The following USP16 variants were observed in gnomAD, a reference collection of about 807,000 sequenced individuals.
USP16 encodes ubiquitin carboxyl-terminal hydrolase 16.
A neutral mutation model predicts 95.9 loss-of-function variants in USP16; 77 were observed. The ratio of observed to expected loss-of-function variants is 0.80; its 90% CI spans 0.67 to 0.97. USP16 has a LOEUF of 0.97. Ranked by LOEUF, USP16 falls within the 50% of genes least tolerant of loss-of-function variation. USP16 has a pLI of 0.00. For missense variants in USP16, 943 were observed against 959.9 expected, an observed-to-expected ratio of 0.98 and a Z score of 0.23; for synonymous variants, 303 against 318.2, an observed-to-expected ratio of 0.95 and a Z score of 0.51.
intron 1 of USP16, 61 bp downstream of exon 1, chr21:29,024,838 C>A: frequency 8.1e-7 from 1 of 1,231,124 alleles, no homozygotes. Flanking sequence ...GCTGGGAGAG[C>A]TCCTGTTTTC....
At chr21:29,033,569 G>A (rs922422884) in intron 3 of USP16, among the ~76,000 whole-genome samples, 3 of 152,304 alleles carry the variant, frequency 2.0e-5, no homozygotes, top group African/African-American at 2.4e-5. Context: ...TTTAGGTCAT[G>A]TTCTTTTATG....
chr21:29,026,947 AGT>A (rs1278318410), intron 1 of USP16, among the ~76,000 whole-genome samples: 2 of 152,100 alleles, frequency 1.3e-5, no homozygotes, highest in Non-Finnish European at 2.9e-5. Context: ...AAGTTTAGGG[AGT>A]GTGGTCCAGG....
At position 29,030,591 on chromosome 21, in the gene USP16, A is replaced by G. The variant is rs2085063134; in HGVS notation, c.62-4A>G. On this transcript the variant is annotated splice_region_variant and splice_polypyrimidine_tract_variant and intron_variant, in intron 2 of 17. Transcript: ENST00000399976. The stretch of plus-strand genomic sequence containing the variant: ...TATTCCTTGTCTATTATTTGTTTTA[A>G]TAGAACCTGTGTGCAGACACATTAG... 1.3e-6 allele frequency: 2 copies of G among 1,568,864 alleles called. No homozygotes were observed. The highest frequency in any genetic ancestry group is 2.7e-5 in the African/African-American group (2 of 72,774).
chr21:29,044,715 G>A (rs2085297915), intron 13 of USP16, among the ~76,000 whole-genome samples: 1 of 152,070 alleles, frequency 6.6e-6, no homozygotes, highest in South Asian at 2.1e-4. Flanking sequence ...CCAAAGTGCT[G>A]GGATTACAGA....
At chr21:29,039,628 T>C in intron 9 of USP16, 60 bp downstream of exon 9, 1 of 1,514,022 alleles carries the variant, frequency 6.6e-7, no homozygotes, top group Admixed American at 1.8e-5. Flanking sequence ...TCTGTCTCAT[T>C]TGATATCTTA....
intron 3 of USP16, among the ~76,000 whole-genome samples, chr21:29,034,302 C>CTTT (rs575549987): frequency 7.3e-6 from 1 of 136,348 alleles, no homozygotes; most frequent in African/African-American, 2.7e-5. Context: ...GCATGGTTTT[C>CTTT]TTTTTTTTTT....
chr21:29,046,677 G>T lies in USP16; in HGVS notation c.1367G>T (p.Arg456Ile). 6.2e-7 allele frequency: 1 copy of T among 1,602,822 alleles called. No homozygotes were observed. Among genetic ancestry groups the T allele is most frequent in the South Asian group, 1.1e-5 (1 of 88,720 alleles). ...QAKKQAKNQR[R>I]QQKIQGKVLH... is the part of the protein sequence containing the mutation. ...ATACTTTTTACCCAGAACCAACGAAGACAACAAAAAATTCAAGGAAAAGTT... is the reference window on the plus strand; with the variant it reads ...ATACTTTTTACCCAGAACCAACGAATACAACAAAAAATTCAAGGAAAAGTT... The change falls in exon 14 of 18, where the codon AGA becomes ATA. Residue 456 changes from arginine to isoleucine, a missense_variant. Physicochemically the swap from Arg to Ile is moderately conservative, Grantham distance 97. Transcript: ENST00000399976.
intron 3 of USP16, among the ~76,000 whole-genome samples, chr21:29,031,551 G>C (rs551464158): frequency 6.6e-6 from 1 of 152,096 alleles, no homozygotes; most frequent in South Asian, 2.1e-4. Flanking sequence ...CAGTTTTCCT[G>C]CCTCAGTCTC....
At chr21:29,042,816 G>C (rs555666364) in intron 12 of USP16, 17 of 255,634 alleles carry the variant, frequency 6.7e-5, no homozygotes, top group Non-Finnish European at 1.1e-4. Context: ...ACTTATTTTT[G>C]TTATTTAAGA....
rs2085341781 is a variant in USP16, at chr21:29,047,303, C to T, written c.1993C>T (p.Pro665Ser). The change falls in exon 14 of 18, where the codon CCA becomes TCA. Residue 665 changes from proline (P) to serine (S), a missense_variant. Transcript: ENST00000399976. ...ATGCACACGGAGACAGTGTAATGGA[C>T]CAAAGGCAAATATAAAAGGTATTTT... ...EVCTRRQCNG[P>S]KANIKGERKH... 2.5e-6 allele frequency: 4 copies of T among 1,605,364 alleles called. No homozygotes were observed. The highest frequency in any genetic ancestry group is 3.4e-6 in the Non-Finnish European group (4 of 1,176,634).
At position 29,038,320 on chromosome 21, in the gene USP16, C is replaced by T; in HGVS notation, c.637-15C>T. 3 of 1,523,322 alleles carry T rather than the reference C, an allele frequency of 2.0e-6. No individual in the cohort carries two copies. Among genetic ancestry groups the T allele is most frequent in the Non-Finnish European group, 2.7e-6 (3 of 1,117,606 alleles). 94.4% of individuals were successfully genotyped at this position (1,523,322 alleles called of 1,614,324 possible). A position where few individuals can be genotyped will look rare whatever the true frequency, so the allele number is the denominator to read the frequency against. The stretch of plus-strand genomic sequence containing the variant: ...TTAAATAATTTTTCTCTTTTTTTTT[C>T]ACCCTACATTCTAGAACTTGTCACA... On this transcript the variant is annotated splice_polypyrimidine_tract_variant and intron_variant, in intron 6 of 17. Transcript: ENST00000399976.
chr21:29,036,754 T>A (rs1478587548), intron 5 of USP16, among the ~76,000 whole-genome samples: 1 of 152,250 alleles, frequency 6.6e-6, no homozygotes, highest in Non-Finnish European at 1.5e-5. Flanking sequence ...GGTCAGATAT[T>A]TCTTAGGTTC....
chr21:29,032,637 C>G (rs545966590), intron 3 of USP16, among the ~76,000 whole-genome samples: 1 of 152,294 alleles, frequency 6.6e-6, no homozygotes, highest in South Asian at 2.1e-4. Context: ...GCATATAGTA[C>G]AACAGCTTGT....
chr21:29,035,812 G>A (rs1426422393), intron 4 of USP16, among the ~76,000 whole-genome samples: 1 of 151,978 alleles, frequency 6.6e-6, no homozygotes, highest in Non-Finnish European at 1.5e-5. Flanking sequence ...CCAGCTACTC[G>A]GGAGGCTGAG....
At position 29,046,951 on chromosome 21, in the gene USP16, G is replaced by A. The variant is rs749872857; in HGVS notation, c.1641G>A (p.Glu547=). 8 of 1,614,068 alleles carry A rather than the reference G, an allele frequency of 5.0e-6. No individual in the cohort carries two copies. Among genetic ancestry groups the A allele is most frequent in the Non-Finnish European group, 6.8e-6 (8 of 1,180,016 alleles). Reference sequence around the variant, plus strand: ...ATATCAACATGGATAATGATCTGGAGGTTTTAACATCTTCTCCCACTAGGA... The same window carrying A: ...ATATCAACATGGATAATGATCTGGAAGTTTTAACATCTTCTCCCACTAGGA... The part of the protein sequence containing the change: ...MKNINMDNDL[E]VLTSSPTRNL... The change falls in exon 14 of 18, where the codon GAG becomes GAA. Residue 547 remains glutamate, a synonymous_variant. Coordinates refer to ENST00000399976, the MANE Select transcript of USP16 (RefSeq NM_006447.3).
At chr21:29,026,705 T>TTTGTGTGATC (rs1293251254) in intron 1 of USP16, 1 of 151,906 alleles carries the variant, frequency 6.6e-6, no homozygotes, top group Non-Finnish European at 1.5e-5. Context: ...TAGCTCATCG[T>TTTGTGTGATC]TTGTGTGATC....
At chr21:29,024,946 G>T in intron 1 of USP16, 169 bp downstream of exon 1, 1 of 695,252 alleles carries the variant, frequency 1.4e-6, no homozygotes, top group South Asian at 2.0e-5. Context: ...TGTTCTGTCA[G>T]TTCCAGAAGC....
At chr21:29,028,563 G>A (rs2085029351) in intron 2 of USP16, among the ~76,000 whole-genome samples, 1 of 151,954 alleles carries the variant, frequency 6.6e-6, no homozygotes, top group African/African-American at 2.4e-5. Context: ...AGCCTCATGA[G>A]TAGCTGGGAT....
chr21:29,032,945 A>G (rs958615550), intron 3 of USP16, among the ~76,000 whole-genome samples: 2 of 152,122 alleles, frequency 1.3e-5, no homozygotes, highest in African/African-American at 4.8e-5. Flanking sequence ...AGCATTTACA[A>G]TTGTCACAGT....
Sources: gnomAD v4.1 joint callset for allele counts (sites outside exome capture counted in the v4.1 genomes callset) on GRCh38, gnomAD v4.1.1 for gene constraint, MANE v1.5 for transcripts, NCBI Gene and HGNC (gene_info 2026-07-23, HGNC 2026-07-21) for gene names.